ZNF26: variants seen among roughly 807,000 people sequenced by gnomAD.
ZNF26 encodes the protein epididymis luminal protein 179.
Under a neutral mutation model 54.9 loss-of-function variants are expected in ZNF26, and 32 were observed. That is an observed-to-expected ratio of 0.58 (90% confidence interval 0.44 to 0.78). ZNF26 has a LOEUF of 0.78. Among genes scored for constraint, ZNF26 ranks in the 30% least tolerant of loss-of-function variants. The probability of loss-of-function intolerance (pLI) is 0.00; values close to 1 mark genes in which losing one functional copy is unlikely to be tolerated. For missense variants in ZNF26, 524 were observed against 634.0 expected, an observed-to-expected ratio of 0.83 and a Z score of 1.86; for synonymous variants, 221 against 209.2, an observed-to-expected ratio of 1.06 and a Z score of -0.49.
chr12:132,989,738 C>T (rs1952906981), intron 1 of ZNF26, among the ~76,000 whole-genome samples: 1 of 152,136 alleles, frequency 6.6e-6, no homozygotes, highest in East Asian at 1.9e-4. Flanking sequence ...GATTCTCATC[C>T]TGTATTTTCT....
rs1953222580 is a variant in ZNF26 at position 133,001,695 on chromosome 12, T to C, written c.34-5347T>C. 2.3e-6 allele frequency: 3 copies of C among 1,289,118 alleles called. No homozygotes were observed. In the Admixed American group the frequency reaches 6.9e-5, roughly 30 times the overall value. The allele number at this position is 1,289,118 out of a possible 1,614,324, so 79.9% of individuals were successfully genotyped here. On this transcript the variant is annotated intron_variant, in intron 1 of 3. Coordinates refer to ENST00000328654, the MANE Select transcript of ZNF26 (RefSeq NM_019591.4). The surrounding 1 kb of genome is among the most constrained non-coding windows in gnomAD (Gnocchi z 4.7). ...GTGTCAAGTTCGGGAATCTTCTGGG[T>C]GTTCCTTGGGCCCAGGGAAACAGTG...
In ZNF26 at chr12:133,011,185, TG is replaced by T; in HGVS notation, c.1307del (p.Cys436LeufsTer6). 1.2e-6 allele frequency: 2 copies of T among 1,614,154 alleles called. No homozygotes were observed. The highest frequency in any genetic ancestry group is 1.7e-5 in the Admixed American group (1 of 60,010). On this transcript the variant is annotated frameshift_variant, in exon 4 of 4. Transcript: ENST00000328654. LOFTEE classifies it high-confidence loss of function. ...ATGTAGTTTGTGTGAGAGAGCCTTT[TG>T]TGGAAAATCACAGCTGATTATACAT... ...YECSLCERAF[C>X]GKSQLIIHQR...
intron 1 of ZNF26, among the ~76,000 whole-genome samples, chr12:132,998,603 A>G (rs1953143012): frequency 6.6e-6 from 1 of 152,232 alleles, no homozygotes; most frequent in Non-Finnish European, 1.5e-5. Flanking sequence ...CCAAAATACC[A>G]TGAGGTTCCT....
rs1464231265 is a variant in ZNF26, at chr12:133,006,876, G to A, written c.34-166G>A. 2.5e-5 allele frequency: 23 copies of A among 905,402 alleles called. No homozygotes were observed. The East Asian group carries it at 5.5e-4, about 22-fold the overall frequency. 56.1% of individuals were successfully genotyped at this position (905,402 alleles called of 1,614,324 possible). A position where few individuals can be genotyped will look rare whatever the true frequency, so the allele number is the denominator to read the frequency against. ...CGAAAGTGCTGGCGTGAGCCACCGT[G>A]CCTGGCACTCCTTGATTGATTTTTA... On this transcript the variant is annotated intron_variant, in intron 1 of 3. Coordinates refer to ENST00000328654, the MANE Select transcript of ZNF26 (RefSeq NM_019591.4).
chr12:132,991,484 C>G (rs1255466673), intron 1 of ZNF26, among the ~76,000 whole-genome samples: 2 of 150,264 alleles, frequency 1.3e-5, no homozygotes, highest in African/African-American at 2.5e-5. Flanking sequence ...GGCGACAGAG[C>G]GAGACTCAAC....
chr12:133,002,577 CCTCTGTCTCATGA>C (rs1193801878), intron 1 of ZNF26, among the ~76,000 whole-genome samples: 2 of 151,778 alleles, frequency 1.3e-5, no homozygotes, highest in East Asian at 3.9e-4. Flanking sequence ...CCTGTGCCTC[CCTCTGTCTCATGA>C]CTCTGTCCCT....
rs1413152828 is a variant in ZNF26, at chr12:133,023,619, G to C, written c.*12138G>C. The C allele has an allele frequency of 1.4e-5, 2 of 140,934 alleles. No individual in the cohort carries two copies. The highest frequency in any genetic ancestry group is 7.8e-5 in the Admixed American group (1 of 12,850). The allele number at this position is 140,934 out of a possible 1,614,324, so 8.7% of individuals were successfully genotyped here. ...TCAACCATGTTTTACATATGTGGCAGATTTTATTTTCTGAAGTGGGCTATG... is the reference window on the plus strand; with the variant it reads ...TCAACCATGTTTTACATATGTGGCACATTTTATTTTCTGAAGTGGGCTATG... On this transcript the variant is annotated 3_prime_UTR_variant, in exon 4 of 4. Transcript: ENST00000328654.
chr12:132,997,573 C>G (rs1398128976), intron 1 of ZNF26, among the ~76,000 whole-genome samples: 5 of 152,218 alleles, frequency 3.3e-5, no homozygotes, highest in Non-Finnish European at 7.3e-5. Context: ...GCGCCCTCCC[C>G]TGAACGTTAG....
At position 133,013,239 on chromosome 12, in the gene ZNF26, C is replaced by T. The variant is rs1370730783; in HGVS notation, c.*1758C>T. 1.3e-5 allele frequency: 2 copies of T among 152,220 alleles called. No homozygotes were observed. The highest frequency in any genetic ancestry group is 4.8e-5 in the African/African-American group (2 of 41,456). The allele number at this position is 152,220 out of a possible 1,614,324, so 9.4% of individuals were successfully genotyped here. A position where few individuals can be genotyped will look rare whatever the true frequency, so the allele number is the denominator to read the frequency against. ...ACAGGCCTGAAGCCCTGAAATCTCA[C>T]CTCAGGGTGGAGTGTCAGACTTGGC... On this transcript the variant is annotated 3_prime_UTR_variant, in exon 4 of 4. Transcript: ENST00000328654.
Position 133,024,267 on chromosome 12 carries a change from G to A in ZNF26, c.*12786G>A, listed in dbSNP as rs1953675901. 6.6e-6 allele frequency: 1 copy of A among 152,188 alleles called. No individual in the cohort carries two copies. The highest frequency in any genetic ancestry group is 1.5e-5 in the Non-Finnish European group (1 of 68,048). 9.4% of individuals were successfully genotyped at this position (152,188 alleles called of 1,614,324 possible). On this transcript the variant is annotated 3_prime_UTR_variant, in exon 4 of 4. Coordinates refer to ENST00000328654, the MANE Select transcript of ZNF26 (RefSeq NM_019591.4). ...GGGCTTTGGGGATGGTATTAGCAGA[G>A]TCTAAAAGTCATCAAGGAGGTTGCT...
chr12:132,990,417 A>G (rs1952923153), intron 1 of ZNF26, among the ~76,000 whole-genome samples: 1 of 152,218 alleles, frequency 6.6e-6, no homozygotes, highest in South Asian at 2.1e-4. Flanking sequence ...GCTGTGGTGT[A>G]CACTTGTTTT....
At chr12:133,007,695 C>T (rs1953360870) in intron 3 of ZNF26, among the ~76,000 whole-genome samples, 163 bp downstream of exon 3, 1 of 152,136 alleles carries the variant, frequency 6.6e-6, no homozygotes, top group Non-Finnish European at 1.5e-5. Flanking sequence ...AAGGACATCG[C>T]CGTCACTCTT....
In ZNF26 at chr12:133,026,689, G is replaced by C. The variant is rs1953710009; in HGVS notation, c.*15208G>C. The stretch of plus-strand genomic sequence containing the variant: ...TTACGGGCACCTGCCACCACGCCTG[G>C]ATAATGTTTGTATTTTTAGTAGAGG... On this transcript the variant is annotated 3_prime_UTR_variant, in exon 4 of 4. Transcript: ENST00000328654. 1 of 151,788 alleles carries C rather than the reference G, an allele frequency of 6.6e-6. No homozygotes were observed. Among genetic ancestry groups the C allele is most frequent in the African/African-American group, 2.4e-5 (1 of 41,298 alleles). 9.4% of individuals were successfully genotyped at this position (151,788 alleles called of 1,614,324 possible).
intron 3 of ZNF26, 64 bp from the exon 4 acceptor site, chr12:133,010,072 G>T: frequency 6.6e-7 from 1 of 1,503,824 alleles, no homozygotes; most frequent in East Asian, 2.3e-5. Flanking sequence ...TCCTAATACT[G>T]TTTAATTCCA....
intron 1 of ZNF26, 135 bp from the exon 2 acceptor site, chr12:133,006,907 C>A (rs1253036264): frequency 8.5e-7 from 1 of 1,181,728 alleles, no homozygotes; most frequent in Non-Finnish European, 1.2e-6. Context: ...TTTTAATTCT[C>A]TCACAAAGTA....
intron 1 of ZNF26, among the ~76,000 whole-genome samples, chr12:132,993,840 T>G (rs1319900948): frequency 6.6e-6 from 1 of 152,168 alleles, no homozygotes; most frequent in East Asian, 1.9e-4. Context: ...AGGAATTACT[T>G]TTAATAGTAC....
chr12:132,987,009 A>G (rs1593625061), intron 1 of ZNF26, 136 bp downstream of exon 1: 1 of 989,104 alleles, frequency 1.0e-6, no homozygotes, highest in African/African-American at 1.6e-5. Context: ...TACCCTCCCC[A>G]CCAAACCAAA....
chr12:132,991,933 A>T (rs930960924), intron 1 of ZNF26, among the ~76,000 whole-genome samples: 1 of 152,096 alleles, frequency 6.6e-6, no homozygotes, highest in African/African-American at 2.4e-5. Context: ...GGGTCATTTG[A>T]GGTCAGGAGT....
At chr12:132,991,374 T>G (rs1952950843) in intron 1 of ZNF26, among the ~76,000 whole-genome samples, 1 of 151,750 alleles carries the variant, frequency 6.6e-6, no homozygotes, top group Admixed American at 6.6e-5. Flanking sequence ...GGCACACACC[T>G]GTAATCCCAG....
Sources: allele counts gnomAD v4.1 joint callset (sites outside exome capture counted in the v4.1 genomes callset), GRCh38; gene constraint gnomAD v4.1.1; non-coding constraint Gnocchi (gnomAD v3.1); transcripts MANE v1.5; gene names NCBI Gene and HGNC (gene_info 2026-07-23, HGNC 2026-07-21).